DSCAM: variants seen among roughly 807,000 people sequenced by gnomAD.
DSCAM encodes the protein cell adhesion molecule DSCAM.
A neutral mutation model predicts 217.7 loss-of-function variants in DSCAM; 47 were observed. The ratio of observed to expected loss-of-function variants is 0.22; its 90% CI spans 0.17 to 0.28. The LOEUF is 0.28. DSCAM is among the 10% of genes least tolerant of loss of function. DSCAM has a pLI of 1.00. For missense variants in DSCAM, 2,080 were observed against 2,618.3 expected (o/e 0.79, Z 4.49); for synonymous variants, 1,056 against 1,015.3 (o/e 1.04, Z -0.76).
intron 3 of DSCAM, among the ~76,000 whole-genome samples, chr21:40,597,094 TCA>T (rs2077026858): frequency 6.6e-6 from 1 of 152,188 alleles, no homozygotes; most frequent in South Asian, 2.1e-4. Context: ...AATTAATTTA[TCA>T]CATTTTCAGA....
At chr21:40,172,504 C>T (rs558721207) in intron 15 of DSCAM, among the ~76,000 whole-genome samples, 94 of 152,340 alleles carry the variant, frequency 6.2e-4, no homozygotes, top group African/African-American at 1.7e-3. Context: ...TTCCTGGCTA[C>T]GCTGTCTCTG....
At position 40,506,858 on chromosome 21, in the gene DSCAM, C is replaced by G. The variant is rs184032342; in HGVS notation, c.509-137613G>C. Among the ~76,000 whole-genome samples, 7 of 152,218 alleles carry G rather than the reference C, an allele frequency of 4.6e-5. No individual in the cohort carries two copies. In the East Asian group the frequency reaches 1.4e-3, roughly 29 times the overall value. On this transcript the variant is annotated intron_variant, in intron 3 of 32. Coordinates refer to ENST00000400454, the MANE Select transcript of DSCAM (RefSeq NM_001389.5). ...TAAATATAATACAAAAAATATTGGTCTAGTGGTAATCAAAAGAGGAAAAAA... is the reference window on the plus strand; with the variant it reads ...TAAATATAATACAAAAAATATTGGTGTAGTGGTAATCAAAAGAGGAAAAAA...
chr21:40,696,564 T>C (rs927336044), intron 2 of DSCAM, among the ~76,000 whole-genome samples: 2 of 152,302 alleles, frequency 1.3e-5, no homozygotes, highest in Middle Eastern at 3.4e-3. Context: ...ATGGTTCCAG[T>C]GCCCAAGCAA....
chr21:40,615,088 A>G (rs1008430764), intron 3 of DSCAM, among the ~76,000 whole-genome samples: 4 of 151,672 alleles, frequency 2.6e-5, no homozygotes, highest in African/African-American at 4.8e-5. Context: ...CAGATCACCT[A>G]AGGTCAGAAG....
intron 3 of DSCAM, among the ~76,000 whole-genome samples, chr21:40,567,468 A>G (rs979458504): frequency 5.9e-5 from 9 of 152,274 alleles, no homozygotes; most frequent in Non-Finnish European, 1.5e-5. Flanking sequence ...ATGGACATCC[A>G]AGTGAAATAA....
chr21:40,682,828 G>GA (rs1327586585), intron 3 of DSCAM, among the ~76,000 whole-genome samples: 3 of 109,870 alleles, frequency 2.7e-5, no homozygotes, highest in South Asian at 3.3e-4. Context: ...GGGAAGGGAA[G>GA]GGAAGGGAAG....
intron 5 of DSCAM, among the ~76,000 whole-genome samples, chr21:40,350,258 A>C (rs1362845038): frequency 1.3e-5 from 2 of 152,188 alleles, no homozygotes; most frequent in Non-Finnish European, 2.9e-5. Context: ...CACCAAAAGC[A>C]ATTGCAACAA....
chr21:40,027,394 T>C (rs1254380539), intron 32 of DSCAM, among the ~76,000 whole-genome samples: 1 of 152,118 alleles, frequency 6.6e-6, no homozygotes, highest in Non-Finnish European at 1.5e-5. Context: ...TGTGGCATTC[T>C]CTGTATTTCC....
chr21:40,654,715 T>A (rs545541842), intron 3 of DSCAM, among the ~76,000 whole-genome samples: 1 of 152,284 alleles, frequency 6.6e-6, no homozygotes, highest in African/African-American at 2.4e-5. Flanking sequence ...TCACATCTCA[T>A]CATGCTGAAC....
At chr21:40,213,094 C>T (rs1231669433) in intron 11 of DSCAM, among the ~76,000 whole-genome samples, 6 of 152,230 alleles carry the variant, frequency 3.9e-5, no homozygotes, top group Admixed American at 6.5e-5. Context: ...GCCACTCCAT[C>T]GTGGTCATTT....
intron 3 of DSCAM, among the ~76,000 whole-genome samples, chr21:40,600,412 G>A (rs758939171): frequency 6.6e-6 from 1 of 152,030 alleles, no homozygotes; most frequent in African/African-American, 2.4e-5. Context: ...TATTATATGG[G>A]CACTAATCTC....
chr21:40,429,736 C>T (rs1261405618), intron 3 of DSCAM, among the ~76,000 whole-genome samples: 1 of 152,164 alleles, frequency 6.6e-6, no homozygotes, highest in Non-Finnish European at 1.5e-5. Context: ...TGGCTTACTG[C>T]CTGGCACACA....
chr21:40,594,237 A>G (rs2077004529), intron 3 of DSCAM, among the ~76,000 whole-genome samples: 1 of 152,224 alleles, frequency 6.6e-6, no homozygotes, highest in Admixed American at 6.5e-5. Context: ...TAGATTTGGA[A>G]CAATAATACA....
intron 3 of DSCAM, among the ~76,000 whole-genome samples, chr21:40,398,733 C>T (rs1192052045): frequency 6.7e-6 from 1 of 148,798 alleles, no homozygotes; most frequent in African/African-American, 2.5e-5. Flanking sequence ...CTCCTGGGTT[C>T]AAGCGATTCT....
chr21:40,740,867 G>A (rs1445297260), intron 1 of DSCAM, among the ~76,000 whole-genome samples: 1 of 152,222 alleles, frequency 6.6e-6, no homozygotes, highest in African/African-American at 2.4e-5. Context: ...AACAGAAGTT[G>A]ATAATGATGC....
chr21:40,417,095 A>G (rs961897624), intron 3 of DSCAM, among the ~76,000 whole-genome samples: 1 of 152,202 alleles, frequency 6.6e-6, no homozygotes, highest in Non-Finnish European at 1.5e-5. Flanking sequence ...CCAATATGAC[A>G]ACTCCCAACT....
intron 6 of DSCAM, among the ~76,000 whole-genome samples, chr21:40,345,761 T>C (rs1569076047): frequency 1.3e-5 from 2 of 152,218 alleles, no homozygotes; most frequent in Admixed American, 1.3e-4. Flanking sequence ...AGGTACTAGA[T>C]ATGTATTTGT....
chr21:40,687,013 T>G (rs1017252684), intron 3 of DSCAM, among the ~76,000 whole-genome samples: 1 of 152,232 alleles, frequency 6.6e-6, no homozygotes, highest in Non-Finnish European at 1.5e-5. Context: ...ACATGACATC[T>G]CTGTGCCTTT....
chr21:40,620,582 GAAA>G (rs1281596599), intron 3 of DSCAM, among the ~76,000 whole-genome samples: 1 of 151,740 alleles, frequency 6.6e-6, no homozygotes, highest in Admixed American at 6.6e-5. Context: ...AAAAAGAAAA[GAAA>G]AAAGAAGATT....
Sources: allele counts gnomAD v4.1 joint callset (sites outside exome capture counted in the v4.1 genomes callset), GRCh38; gene constraint gnomAD v4.1.1; transcripts MANE v1.5; gene names NCBI Gene and HGNC (gene_info 2026-07-23, HGNC 2026-07-21).